Variants in OTX1 observed in about 807,000 individuals in gnomAD.
OTX1 encodes the protein orthodenticle homeobox 1, also known as homeobox protein OTX1.
OTX1 carries 7 observed loss-of-function variants against 26.7 expected under a neutral mutation model. The ratio of observed to expected loss-of-function variants is 0.26; its 90% CI spans 0.15 to 0.49. OTX1 has a LOEUF of 0.49. OTX1 is among the 20% of genes least tolerant of loss of function. The pLI, the probability that OTX1 is intolerant of heterozygous loss-of-function variation, is 0.98. For missense variants in OTX1, 414 were observed against 483.8 expected (o/e 0.86, Z 1.35); for synonymous variants, 216 against 212.8 (o/e 1.01, Z -0.13).
chr2:63,056,088 C>T lies in OTX1; in HGVS notation c.837C>T (p.His279=). Residue 279 remains histidine, a synonymous_variant, in exon 5 of 5, where the codon CAC becomes CAT. Transcript: ENST00000282549. ...CCATGGCGGGCCACCATCATCACCA[C>T]CCACATGCGCACCACCCGTTGAGCC... ...PSSMAGHHHH[H]PHAHHPLSQS... 6.2e-7 allele frequency: 1 copy of T among 1,614,074 alleles called. No individual in the cohort carries two copies. The highest frequency in any genetic ancestry group is 8.5e-7 in the Non-Finnish European group (1 of 1,179,994).
In OTX1 at chr2:63,056,435, C is replaced by G; in HGVS notation, c.*119C>G. On this transcript the variant is annotated 3_prime_UTR_variant, in exon 5 of 5. Coordinates refer to ENST00000282549, the MANE Select transcript of OTX1 (RefSeq NM_014562.4). ...TCTTCTCCAAAACTGAATTTTCACC[C>G]CCCAAAAAGATGTCCATTGCCTGCA... The G allele has an allele frequency of 1.1e-6, 1 of 944,278 alleles. No individual in the cohort carries two copies. The highest frequency in any genetic ancestry group is 1.6e-6 in the Non-Finnish European group (1 of 639,050). 58.5% of individuals were successfully genotyped at this position (944,278 alleles called of 1,614,324 possible).
chr2:63,054,162 G>T lies in OTX1; in HGVS notation c.213G>T (p.Val71=). 1 of 1,609,340 alleles carries T rather than the reference G, an allele frequency of 6.2e-7. No individual in the cohort carries two copies. The highest frequency in any genetic ancestry group is 8.5e-7 in the Non-Finnish European group (1 of 1,177,574). The change falls in exon 4 of 5, where the codon GTG becomes GTT. Residue 71 remains valine (V), a synonymous_variant. Transcript: ENST00000282549. The part of the protein sequence containing the change: ...RYPDIFMREE[V]ALKINLPESR... ...CTGACATCTTCATGCGGGAGGAGGT[G>T]GCGCTCAAGATCAACCTGCCGGAGT...
chr2:63,053,976 C>A (rs781409183), intron 3 of OTX1, 71 bp from the exon 4 acceptor site: 5 of 1,540,632 alleles, frequency 3.2e-6, no homozygotes, highest in Middle Eastern at 1.7e-4. Context: ...CTGCCAGGGG[C>A]CTGCCCGAGT....
rs1574629287 is a variant in OTX1, at chr2:63,055,320, T to G, written c.250-181T>G. ...CTTTGAGCAGAAGGATGGGGGAGGGTGGAGGAGCTGGGAACCGAGGTAGGG... is the reference window on the plus strand; with the variant it reads ...CTTTGAGCAGAAGGATGGGGGAGGGGGGAGGAGCTGGGAACCGAGGTAGGG... On this transcript the variant is annotated intron_variant, in intron 4 of 4. Transcript: ENST00000282549. The surrounding 1 kb of genome is among the most constrained non-coding windows in gnomAD (Gnocchi z 5.2). Among the ~76,000 whole-genome samples the G allele has an allele frequency of 1.4e-5, 2 of 145,512 alleles. No homozygotes were observed. Among genetic ancestry groups the G allele is most frequent in the African/African-American group, 5.2e-5 (2 of 38,726 alleles).
rs1032262948 is a variant in OTX1 at position 63,053,825 on chromosome 2, G to A, written c.98-222G>A. The A allele has an allele frequency of 1.9e-5, 11 of 568,476 alleles. No individual in the cohort carries two copies. In the Admixed American group the frequency reaches 2.3e-4, roughly 12 times the overall value. The allele number at this position is 568,476 out of a possible 1,614,324, so 35.2% of individuals were successfully genotyped here. On this transcript the variant is annotated intron_variant, in intron 3 of 4. Coordinates refer to ENST00000282549, the MANE Select transcript of OTX1 (RefSeq NM_014562.4). Reference sequence around the variant, plus strand: ...TAACCTCTGAGAGGCATAGAGAGGGGCAGCCCTCGAATCTTGGAGACACTG... The same window carrying A: ...TAACCTCTGAGAGGCATAGAGAGGGACAGCCCTCGAATCTTGGAGACACTG...
Position 63,055,725 on chromosome 2 carries a change from T to C in OTX1, c.474T>C (p.Gly158=). 1.2e-6 allele frequency: 2 copies of C among 1,612,892 alleles called. No individual in the cohort carries two copies. The highest frequency in any genetic ancestry group is 4.5e-5 in the East Asian group (2 of 44,856). The stretch of plus-strand genomic sequence containing the variant: ...CGGCTGCAGCGGCTGCGGGACTAGG[T>C]GGGAACCCGGTGGCGGCCGCGTCGT... The part of the protein sequence containing the change: ...NPAAAAAAGL[G]GNPVAAASSL... The change falls in exon 5 of 5, where the codon GGT becomes GGC. Residue 158 remains glycine (G), a synonymous_variant. Coordinates refer to ENST00000282549, the MANE Select transcript of OTX1 (RefSeq NM_014562.4). The surrounding 1 kb of genome is among the most constrained non-coding windows in gnomAD (Gnocchi z 5.2).
Position 63,054,054 on chromosome 2 carries a change from G to A in OTX1, c.105G>A (p.Pro35=), listed in dbSNP as rs2062046317. The A allele has an allele frequency of 3.7e-6, 6 of 1,610,530 alleles. No homozygotes were observed. The highest frequency in any genetic ancestry group is 1.7e-5 in the Admixed American group (1 of 59,704). ...CCCCGCGTGTCCCCGCAGCCACTCC[G>A]CGGAAGCAGCGGCGGGAGCGCACCA... ...LHPSVGYPAT[P]RKQRRERTTF... Residue 35 remains proline, a synonymous_variant, in exon 4 of 5, where the codon CCG becomes CCA. Coordinates refer to ENST00000282549, the MANE Select transcript of OTX1 (RefSeq NM_014562.4).
chr2:63,050,490 G>C (rs555606909), upstream of OTX1, among the ~76,000 whole-genome samples: 15 of 152,180 alleles, frequency 9.9e-5, no homozygotes, highest in Non-Finnish European at 1.9e-4. Context: ...CCGGAGCGCC[G>C]AGAGCGCGAG....
At position 63,055,031 on chromosome 2, in the gene OTX1, G is replaced by A. The variant is rs1456157273; in HGVS notation, c.250-470G>A. ...AGTTCTGGCCTCCAGGAGCTGCTCA[G>A]TGAAACGGCTCAGGCCCTAGACTTG... On this transcript the variant is annotated intron_variant, in intron 4 of 4. Coordinates refer to ENST00000282549, the MANE Select transcript of OTX1 (RefSeq NM_014562.4). This position sits in a 1 kb window ranked among gnomAD's most constrained non-coding sequence, Gnocchi z 5.2. Among the ~76,000 whole-genome samples the A allele has an allele frequency of 6.6e-6, 1 of 152,216 alleles. No homozygotes were observed. The highest frequency in any genetic ancestry group is 1.5e-5 in the Non-Finnish European group (1 of 68,044).
rs1020625784 is a variant in OTX1 at position 63,055,735 on chromosome 2, G to C, written c.484G>C (p.Val162Leu). The change falls in exon 5 of 5, where the codon GTG becomes CTG. Residue 162 changes from valine to leucine, a missense_variant. By Grantham distance (32) the Val-to-Leu change is conservative. Coordinates refer to ENST00000282549, the MANE Select transcript of OTX1 (RefSeq NM_014562.4). The surrounding 1 kb of genome is among the most constrained non-coding windows in gnomAD (Gnocchi z 5.2). ...GGCTGCGGGACTAGGTGGGAACCCG[G>C]TGGCGGCCGCGTCGTCGCTGAGTAC... is the stretch of plus-strand genomic sequence containing the variant. ...AAAAGLGGNP[V>L]AAASSLSTPA... 3.7e-6 allele frequency: 6 copies of C among 1,612,532 alleles called. No homozygotes were observed. The highest frequency in any genetic ancestry group is 1.7e-5 in the Admixed American group (1 of 59,974).
intron 4 of OTX1, among the ~76,000 whole-genome samples, chr2:63,054,914 C>T (rs2062052658): frequency 6.6e-6 from 1 of 152,188 alleles, no homozygotes; most frequent in Non-Finnish European, 1.5e-5. Context: ...CCAACGAAAT[C>T]CCACCCAGGC....
intron 4 of OTX1, among the ~76,000 whole-genome samples, chr2:63,054,483 C>T (rs140290020): frequency 6.6e-6 from 1 of 152,368 alleles, no homozygotes; most frequent in Non-Finnish European, 1.5e-5. Context: ...AGGGAAGCTC[C>T]CGAATGTAAA....
At chr2:63,053,855 C>T (rs1476985041) in intron 3 of OTX1, 192 bp from the exon 4 acceptor site, 2 of 607,580 alleles carry the variant, frequency 3.3e-6, no homozygotes, top group East Asian at 3.0e-5. Flanking sequence ...ACACTGGCTT[C>T]TAGTCGCACA....
chr2:63,054,081 C>T lies in OTX1; in HGVS notation c.132C>T (p.Thr44=). The T allele has an allele frequency of 1.9e-6, 3 of 1,611,562 alleles. No individual in the cohort carries two copies. The highest frequency in any genetic ancestry group is 1.7e-4 in the Middle Eastern group (1 of 6,054). The change falls in exon 4 of 5, where the codon ACC becomes ACT. Residue 44 remains threonine (T), a synonymous_variant. Transcript: ENST00000282549. ...TPRKQRRERT[T]FTRSQLDVLE... ...GGAAGCAGCGGCGGGAGCGCACCAC[C>T]TTCACGCGTTCACAGCTGGACGTGC...
At chr2:63,053,311 C>T (rs1050180963) in intron 3 of OTX1, 4 of 442,968 alleles carry the variant, frequency 9.0e-6, no homozygotes, top group African/African-American at 6.2e-5. Context: ...TGCGCCTTCC[C>T]GGCCGGATCA....
upstream of OTX1, among the ~76,000 whole-genome samples, chr2:63,049,853 C>G (rs1183943571): frequency 6.6e-6 from 1 of 152,206 alleles, no homozygotes; most frequent in Non-Finnish European, 1.5e-5. The surrounding 1 kb of genome is among the most constrained non-coding windows in gnomAD (Gnocchi z 4.8). Flanking sequence ...GGGCTTCGCC[C>G]GTACGAACAA....
At position 63,057,230 on chromosome 2, in the gene OTX1, A is replaced by G. The variant is rs1052134410; in HGVS notation, c.*914A>G. 4 of 152,040 alleles carry G rather than the reference A, an allele frequency of 2.6e-5. No individual in the cohort carries two copies. Among genetic ancestry groups the G allele is most frequent in the African/African-American group, 9.7e-5 (4 of 41,368 alleles). The allele number at this position is 152,040 out of a possible 1,614,324, so 9.4% of individuals were successfully genotyped here. A position where few individuals can be genotyped will look rare whatever the true frequency, so the allele number is the denominator to read the frequency against. On this transcript the variant is annotated 3_prime_UTR_variant, in exon 5 of 5. Transcript: ENST00000282549. ...TCCCCCTTCTGCTCTTCCTCAATCAATGGCGCTTTTTCTTTTTCAGTTGTT... is the reference window on the plus strand; with the variant it reads ...TCCCCCTTCTGCTCTTCCTCAATCAGTGGCGCTTTTTCTTTTTCAGTTGTT...
chr2:63,050,809 C>G (rs561495734), upstream of OTX1: 12 of 152,344 alleles, frequency 7.9e-5, no homozygotes, highest in Admixed American at 4.6e-4. Context: ...TTCACATACC[C>G]GGGGAGGGCA....
In OTX1 at chr2:63,056,033, C is replaced by T. The variant is rs894009827; in HGVS notation, c.782C>T (p.Pro261Leu). The change falls in exon 5 of 5, where the codon CCG becomes CTG. Residue 261 changes from proline (P) to leucine (L), a missense_variant. Physicochemically the swap from Pro to Leu is moderately conservative, Grantham distance 98. Coordinates refer to ENST00000282549, the MANE Select transcript of OTX1 (RefSeq NM_014562.4). ...GCGCCCATGCACTCACATCACCACC[C>T]GCACCAGCTCAGCCCCATGGCACCC... is the stretch of plus-strand genomic sequence containing the variant. ...YLAPMHSHHHPHQLSPMAPSS... is the reference protein window; with the variant it reads ...YLAPMHSHHHLHQLSPMAPSS... 4 of 1,613,458 alleles carry T rather than the reference C, an allele frequency of 2.5e-6. No individual in the cohort carries two copies. Among genetic ancestry groups the T allele is most frequent in the Non-Finnish European group, 3.4e-6 (4 of 1,179,552 alleles).
Sources: gnomAD v4.1 joint callset for allele counts (sites outside exome capture counted in the v4.1 genomes callset) on GRCh38, gnomAD v4.1.1 for gene constraint, Gnocchi (gnomAD v3.1) non-coding constraint, MANE v1.5 for transcripts, NCBI Gene and HGNC (gene_info 2026-07-23, HGNC 2026-07-21) for gene names.